Variants in LRRC4B observed in about 807,000 individuals in gnomAD.
LRRC4B encodes the protein leucine rich repeat containing 4B, also known as leucine-rich repeat-containing protein 4B.
LRRC4B carries 1 observed loss-of-function variant against 7.3 expected under a neutral mutation model. That is an observed-to-expected ratio of 0.14 (90% CI 0.05 to 0.65). The LOEUF is 0.65. Ranked by LOEUF, LRRC4B falls within the 30% of genes least tolerant of loss-of-function variation. LRRC4B has a pLI of 0.84. For missense variants in LRRC4B, 730 were observed against 1,041.6 expected (o/e 0.70, Z 4.12); for synonymous variants, 500 against 499.2 (o/e 1.00, Z -0.02).
chr19:50,552,722 A>G, intron 1 of LRRC4B, among the ~76,000 whole-genome samples: 1 of 123,126 alleles, frequency 8.1e-6, no homozygotes, highest in Non-Finnish European at 1.7e-5. Flanking sequence ...CCATCCGTCT[A>G]TCCATCCGTC....
chr19:50,521,744 G>A (rs1980587942), intron 2 of LRRC4B, among the ~76,000 whole-genome samples: 1 of 143,364 alleles, frequency 7.0e-6, no homozygotes, highest in Admixed American at 7.5e-5. Flanking sequence ...ATTTTTAGTA[G>A]AGACGGGGTT....
intron 2 of LRRC4B, among the ~76,000 whole-genome samples, chr19:50,547,435 A>G (rs979701679): frequency 2.6e-5 from 4 of 151,826 alleles, no homozygotes; most frequent in Non-Finnish European, 5.9e-5. Flanking sequence ...AAGCAGCCGC[A>G]TTTCTTACGG....
chr19:50,526,580 C>G (rs141917250), intron 2 of LRRC4B, among the ~76,000 whole-genome samples: 1 of 152,012 alleles, frequency 6.6e-6, no homozygotes, highest in African/African-American at 2.4e-5. Flanking sequence ...CAGTGGCTTA[C>G]GCCTGTAATC....
intron 2 of LRRC4B, among the ~76,000 whole-genome samples, chr19:50,527,036 A>ATTTTTTT: frequency 8.5e-6 from 1 of 117,396 alleles, no homozygotes; most frequent in Non-Finnish European, 1.8e-5. Flanking sequence ...GTATTTTTGT[A>ATTTTTTT]TTTTTTTTTT....
At position 50,518,432 on chromosome 19, in the gene LRRC4B, G is replaced by A. The variant is rs200199863; in HGVS notation, c.1281C>T (p.Thr427=). The A allele has an allele frequency of 1.0e-5, 16 of 1,553,760 alleles. No homozygotes were observed. The highest frequency in any genetic ancestry group is 9.7e-5 in the Admixed American group (5 of 51,804). The change falls in exon 3 of 3, where the codon ACC becomes ACT. Residue 427 remains threonine (T), a synonymous_variant. Transcript: ENST00000652263. The part of the protein sequence containing the change: ...HDGTLNFTNV[T]VQDTGQYTCM... ...ACGTGTACTGGCCCGTGTCCTGCAC[G>A]GTGACGTTGGTGAAGTTAAGCGTGC...
intron 2 of LRRC4B, among the ~76,000 whole-genome samples, chr19:50,530,940 G>A (rs1446902746): frequency 1.4e-5 from 2 of 140,626 alleles, no homozygotes; most frequent in East Asian, 4.3e-4. Flanking sequence ...GGGGGGGGGG[G>A]TCTCTCTATG....
rs939148173 is a variant in LRRC4B at position 50,530,931 on chromosome 19, G to T, written c.298-11516C>A. Among the ~76,000 whole-genome samples, 40 of 132,462 alleles carry T rather than the reference G, an allele frequency of 3.0e-4. 1 individual carries two copies. The highest frequency in any genetic ancestry group is 1.2e-3 in the African/African-American group (33 of 26,944). 86.9% of individuals were successfully genotyped at this position (132,462 alleles called of 152,430 possible). A position where few individuals can be genotyped will look rare whatever the true frequency, so the allele number is the denominator to read the frequency against. ...TTTTGTATTTTTAGTAGAAACCTGG[G>T]GGGGGGGGGTCTCTCTATGTTGGTC... On this transcript the variant is annotated intron_variant, in intron 2 of 2. Transcript: ENST00000652263.
chr19:50,540,979 C>T (rs927513283), intron 2 of LRRC4B, among the ~76,000 whole-genome samples: 4 of 151,418 alleles, frequency 2.6e-5, no homozygotes, highest in African/African-American at 9.7e-5. Flanking sequence ...GTCAGGAGAT[C>T]GAGACCATCC....
At chr19:50,539,841 C>T (rs1280719673) in intron 2 of LRRC4B, among the ~76,000 whole-genome samples, 2 of 149,776 alleles carry the variant, frequency 1.3e-5, no homozygotes, top group Admixed American at 6.7e-5. Flanking sequence ...GAACCGAGAT[C>T]GCGCCACTGC....
chr19:50,548,764 G>C lies in LRRC4B; in HGVS notation c.75C>G (p.Leu25=), dbSNP rs1050277023. ...GRMSWPHGAL[L]FLWLFSPPLG... is the part of the protein sequence containing the mutation. ...GGGGTGGGGAGAAGAGCCAGAGGAA[G>C]AGCAATGCCCCGTGGGGCCAGGACA... Residue 25 remains leucine, a synonymous_variant, in exon 2 of 3, where the codon CTC becomes CTG. Coordinates refer to ENST00000652263, the MANE Select transcript of LRRC4B (RefSeq NM_001080457.2). The surrounding 1 kb of genome is among the most constrained non-coding windows in gnomAD (Gnocchi z 6.8). 4 of 1,538,562 alleles carry C rather than the reference G, an allele frequency of 2.6e-6. No individual in the cohort carries two copies. Among genetic ancestry groups the C allele is most frequent in the East Asian group, 2.4e-5 (1 of 41,612 alleles).
In LRRC4B at chr19:50,568,004, C is replaced by T. The variant is rs1382389644; in HGVS notation, c.-96G>A. On this transcript the variant is annotated 5_prime_UTR_variant, in exon 1 of 3. Transcript: ENST00000652263. ...CCCGGCCCGTGGGGGGAGGACCCCCCCAATGAGGCTCAGGAATTTGGGGTG... is the reference window on the plus strand; with the variant it reads ...CCCGGCCCGTGGGGGGAGGACCCCCTCAATGAGGCTCAGGAATTTGGGGTG... 1 of 150,778 alleles carries T rather than the reference C, an allele frequency of 6.6e-6. No homozygotes were observed. Among genetic ancestry groups the T allele is most frequent in the Admixed American group, 6.6e-5 (1 of 15,202 alleles). 9.3% of individuals were successfully genotyped at this position (150,778 alleles called of 1,614,324 possible). A position where few individuals can be genotyped will look rare whatever the true frequency, so the allele number is the denominator to read the frequency against.
At chr19:50,559,812 G>A (rs1484220620) in intron 1 of LRRC4B, among the ~76,000 whole-genome samples, 1 of 152,226 alleles carries the variant, frequency 6.6e-6, no homozygotes, top group East Asian at 1.9e-4. Context: ...ACATGAATGT[G>A]TGTCCAGCTG....
At chr19:50,543,549 C>T (rs557460473) in intron 2 of LRRC4B, among the ~76,000 whole-genome samples, 2 of 152,078 alleles carry the variant, frequency 1.3e-5, no homozygotes, top group Admixed American at 1.3e-4. Context: ...TTCATATCAA[C>T]TCAGAAATTG....
intron 2 of LRRC4B, among the ~76,000 whole-genome samples, chr19:50,546,748 C>A (rs570494366): frequency 2.0e-5 from 3 of 152,192 alleles, no homozygotes; most frequent in East Asian, 1.9e-4. Flanking sequence ...CTCGCCCCCC[C>A]ACAAAGAGAA....
At chr19:50,560,629 A>G (rs1163977444) in intron 1 of LRRC4B, among the ~76,000 whole-genome samples, 1 of 151,572 alleles carries the variant, frequency 6.6e-6, no homozygotes, top group Non-Finnish European at 1.5e-5. Flanking sequence ...GTTGGTGTTG[A>G]GGAAAACTGG....
At chr19:50,565,526 CGTGTGTGTGTGT>C (rs67157266) in intron 1 of LRRC4B, among the ~76,000 whole-genome samples, 20 of 147,320 alleles carry the variant, frequency 1.4e-4, no homozygotes, top group South Asian at 8.9e-4. Context: ...TGTGTGCTCT[CGTGTGTGTGTGT>C]GTGTGTGTGT....
chr19:50,521,962 G>C (rs1159092810), intron 2 of LRRC4B, among the ~76,000 whole-genome samples: 2 of 152,140 alleles, frequency 1.3e-5, no homozygotes, highest in African/African-American at 4.8e-5. Context: ...GATCACTTGA[G>C]CTCGGGAATT....
rs1568715985 is a variant in LRRC4B at position 50,520,230 on chromosome 19, AAAAAAAAAAAAAAAAAAGAAG to A, written c.298-836_298-816del. The stretch of plus-strand genomic sequence containing the variant: ...AAAAAAAAAAAAAAAAAAAAAAAAA[AAAAAAAAAAAAAAAAAAGAAG>A]AAAAGAAAAGAAAAATGAACAAACA... On this transcript the variant is annotated intron_variant, in intron 2 of 2. Transcript: ENST00000652263. 1.1e-3 allele frequency among the ~76,000 whole-genome samples: 80 copies of A among 73,594 alleles called. 18 individuals are homozygous for A. Among genetic ancestry groups the A allele is most frequent in the African/African-American group, 3.5e-3 (60 of 16,956 alleles). 48.3% of individuals were successfully genotyped at this position (73,594 alleles called of 152,430 possible).
chr19:50,547,286 G>A (rs1015997023), intron 2 of LRRC4B, among the ~76,000 whole-genome samples: 3 of 151,992 alleles, frequency 2.0e-5, no homozygotes, highest in Non-Finnish European at 2.9e-5. Flanking sequence ...GGACCCCTTC[G>A]CTGGCCCTTG....
Sources: gnomAD v4.1 joint callset for allele counts (sites outside exome capture counted in the v4.1 genomes callset) on GRCh38, gnomAD v4.1.1 for gene constraint, Gnocchi (gnomAD v3.1) non-coding constraint, MANE v1.5 for transcripts, NCBI Gene and HGNC (gene_info 2026-07-23, HGNC 2026-07-21) for gene names.